DNAJC5B: variants seen among roughly 807,000 people sequenced by gnomAD.
DNAJC5B encodes the protein dnaJ homolog subfamily C member 5B.
In DNAJC5B, 23 loss-of-function variants were observed where a neutral mutation model predicts 24.7. The observed-to-expected ratio is 0.93, with a 90% CI of 0.67 to 1.32. The LOEUF (loss-of-function observed/expected upper bound fraction) is 1.32, where lower values mean the gene tolerates loss of function less well. DNAJC5B is among the 40% of genes most tolerant of loss of function. The pLI is 0.00. For synonymous variants in DNAJC5B, 101 were observed against 90.1 expected, an observed-to-expected ratio of 1.12 and a Z score of -0.68; for missense variants, 238 against 240.8, an observed-to-expected ratio of 0.99 and a Z score of 0.08.
rs534701072 is a variant in DNAJC5B at position 66,063,165 on chromosome 8, T to C, written c.119+11499T>C. On this transcript the variant is annotated intron_variant, in intron 3 of 5. Transcript: ENST00000276570. ...AGAAGACTCAGTTGACTGTTCTTTT[T>C]CATTTGACTTCACATGGAATTTTCT... Among the ~76,000 whole-genome samples, 6 of 152,364 alleles carry C rather than the reference T, an allele frequency of 3.9e-5. No individual in the cohort carries two copies. In the South Asian group the frequency reaches 8.3e-4, roughly 21 times the overall value.
At chr8:66,074,237 C>T (rs1235542466) in intron 3 of DNAJC5B, among the ~76,000 whole-genome samples, 1 of 152,180 alleles carries the variant, frequency 6.6e-6, no homozygotes, top group Non-Finnish European at 1.5e-5. Context: ...AATCAGGCCT[C>T]AGGTGACTCA....
intron 1 of DNAJC5B, among the ~76,000 whole-genome samples, chr8:66,036,891 G>C (rs1806498007): frequency 6.6e-6 from 1 of 152,232 alleles, no homozygotes; most frequent in Non-Finnish European, 1.5e-5. Context: ...CTGGGGCAGG[G>C]GGACCTGTGG....
chr8:66,082,365 C>A (rs1455662262), intron 5 of DNAJC5B, among the ~76,000 whole-genome samples: 1 of 152,084 alleles, frequency 6.6e-6, no homozygotes, highest in African/African-American at 2.4e-5. Flanking sequence ...TTTCACACTT[C>A]TCTGAACAGC....
At chr8:66,087,266 T>A (rs1360036102) in intron 5 of DNAJC5B, among the ~76,000 whole-genome samples, 2 of 152,168 alleles carry the variant, frequency 1.3e-5, no homozygotes, top group African/African-American at 4.8e-5. Context: ...TCAGATCTCA[T>A]GAGAATTCAC....
intron 3 of DNAJC5B, among the ~76,000 whole-genome samples, chr8:66,062,076 C>G (rs1807095164): frequency 6.6e-6 from 1 of 152,276 alleles, no homozygotes; most frequent in Non-Finnish European, 1.5e-5. Flanking sequence ...CTGCCTCTCC[C>G]ATTCCATCAG....
At chr8:66,074,542 C>T (rs7832137) in intron 3 of DNAJC5B, among the ~76,000 whole-genome samples, 3,371 of 152,216 alleles carry the variant, frequency 0.022, 136 homozygotes, top group African/African-American at 0.077. Flanking sequence ...TGACAGGTGA[C>T]CAAGAGTGTA....
At chr8:66,077,025 G>T in intron 4 of DNAJC5B, 152 bp downstream of exon 4, 1 of 752,940 alleles carries the variant, frequency 1.3e-6, no homozygotes, top group East Asian at 2.7e-5. Context: ...TATTATTTAG[G>T]ATCATTTCTG....
intron 1 of DNAJC5B, 31 bp from the exon 2 acceptor site, chr8:66,043,457 T>C (rs991498877): frequency 6.6e-6 from 1 of 152,250 alleles, no homozygotes; most frequent in Admixed American, 6.5e-5. Flanking sequence ...CGGTCATGCA[T>C]GTTTCATTCT....
At chr8:66,060,652 C>T (rs1807061032) in intron 3 of DNAJC5B, among the ~76,000 whole-genome samples, 1 of 152,158 alleles carries the variant, frequency 6.6e-6, no homozygotes, top group Non-Finnish European at 1.5e-5. Flanking sequence ...CTTGTTGGCA[C>T]ATAAAGGACC....
intron 3 of DNAJC5B, among the ~76,000 whole-genome samples, chr8:66,072,528 T>C (rs1210767634): frequency 2.6e-5 from 4 of 152,162 alleles, no homozygotes; most frequent in Admixed American, 2.6e-4. Flanking sequence ...TTTTAAAGGA[T>C]TTCAATCATA....
At position 66,043,603 on chromosome 8, in the gene DNAJC5B, G is replaced by C. The variant is rs1230103959; in HGVS notation, c.-26G>C. ...AGGAGCAGCTGTTTGCTTTGAAACG[G>C]TGGAACAGGTATGGAACAGCAGCTT... On this transcript the variant is annotated 5_prime_UTR_variant, in exon 2 of 6. Transcript: ENST00000276570. The C allele has an allele frequency of 6.6e-6, 1 of 152,212 alleles. No homozygotes were observed. Among genetic ancestry groups the C allele is most frequent in the African/African-American group, 2.4e-5 (1 of 41,444 alleles). The allele number at this position is 152,212 out of a possible 1,614,324, so 9.4% of individuals were successfully genotyped here. A position where few individuals can be genotyped will look rare whatever the true frequency, so the allele number is the denominator to read the frequency against.
chr8:66,049,996 A>C (rs1248158286), intron 2 of DNAJC5B, among the ~76,000 whole-genome samples: 1 of 152,256 alleles, frequency 6.6e-6, no homozygotes, highest in East Asian at 1.9e-4. Context: ...ATAGAGAAAA[A>C]TCGATAAAGC....
chr8:66,026,556 G>A (rs1347745901), intron 1 of DNAJC5B, among the ~76,000 whole-genome samples: 2 of 152,246 alleles, frequency 1.3e-5, no homozygotes, highest in African/African-American at 4.8e-5. Flanking sequence ...AGGCGCCTTG[G>A]CAGGCGGCCA....
intron 1 of DNAJC5B, among the ~76,000 whole-genome samples, chr8:66,028,197 T>G (rs1388098102): frequency 6.6e-6 from 1 of 152,148 alleles, no homozygotes; most frequent in Non-Finnish European, 1.5e-5. Flanking sequence ...TGACACAAAC[T>G]TAGGGAGAAA....
At chr8:66,068,230 C>G (rs1462465534) in intron 3 of DNAJC5B, among the ~76,000 whole-genome samples, 2 of 152,212 alleles carry the variant, frequency 1.3e-5, no homozygotes, top group East Asian at 1.9e-4. Context: ...ATAATAGGAA[C>G]AGAGCCATGA....
At chr8:66,063,786 T>C (rs1173686049) in intron 3 of DNAJC5B, among the ~76,000 whole-genome samples, 2 of 152,244 alleles carry the variant, frequency 1.3e-5, no homozygotes, top group Admixed American at 1.3e-4. Context: ...ATAATATTCA[T>C]TGTATTCATT....
chr8:66,054,021 G>A lies in DNAJC5B; in HGVS notation c.119+2355G>A, dbSNP rs926780550. Among the ~76,000 whole-genome samples the A allele has an allele frequency of 6.6e-5, 10 of 151,236 alleles. 1 individual carries two copies. In the South Asian group the frequency reaches 8.4e-4, roughly 13 times the overall value. On this transcript the variant is annotated intron_variant, in intron 3 of 5. Transcript: ENST00000276570. Reference sequence around the variant, plus strand: ...CTGATTTTTAATGGCTGTGGCCTACGGTTATTTTGTAATTTATTTAGTCAC... The same window carrying A: ...CTGATTTTTAATGGCTGTGGCCTACAGTTATTTTGTAATTTATTTAGTCAC...
At chr8:66,032,815 A>G (rs1806387795) in intron 1 of DNAJC5B, among the ~76,000 whole-genome samples, 2 of 152,176 alleles carry the variant, frequency 1.3e-5, no homozygotes, top group African/African-American at 2.4e-5. Context: ...CATTTCCACT[A>G]GAGCTTGGCA....
chr8:66,052,003 C>T (rs1806858311), intron 3 of DNAJC5B, among the ~76,000 whole-genome samples: 2 of 151,782 alleles, frequency 1.3e-5, no homozygotes, highest in Admixed American at 6.6e-5. Flanking sequence ...CTCACTCTGT[C>T]GTCCAGGCTG....
Sources: gnomAD v4.1 joint callset for allele counts (sites outside exome capture counted in the v4.1 genomes callset) on GRCh38, gnomAD v4.1.1 for gene constraint, MANE v1.5 for transcripts, NCBI Gene and HGNC (gene_info 2026-07-23, HGNC 2026-07-21) for gene names.